Variants in PROX1 observed in about 807,000 individuals in gnomAD.
The protein encoded by PROX1 is prospero homeobox 1, also known as prospero homeobox protein 1.
A neutral mutation model predicts 58.8 loss-of-function variants in PROX1; 7 were observed. That is an observed-to-expected ratio of 0.12 (90% CI 0.07 to 0.22). The LOEUF is 0.22. Among genes scored for constraint, PROX1 ranks in the 10% least tolerant of loss-of-function variants. The pLI is 1.00. For synonymous variants in PROX1, 350 were observed against 358.3 expected (o/e 0.98, Z 0.26); for missense variants, 675 against 927.8 (o/e 0.73, Z 3.54).
intron 2 of PROX1, among the ~76,000 whole-genome samples, chr1:214,003,273 T>G (rs1663588979): frequency 6.6e-6 from 1 of 152,242 alleles, no homozygotes. Flanking sequence ...CATGACGTTG[T>G]CTTAATGTAG....
At chr1:213,990,671 T>C (rs1333218993) in intron 1 of PROX1, among the ~76,000 whole-genome samples, 10 of 90,724 alleles carry the variant, frequency 1.1e-4, no homozygotes, top group Admixed American at 3.3e-4. Context: ...TGTGTGTGTG[T>C]GTGTGTGTGT....
chr1:213,985,541 C>G (rs1662803537), upstream of PROX1: 1 of 152,364 alleles, frequency 6.6e-6, no homozygotes, highest in East Asian at 1.9e-4. Flanking sequence ...ACCGCCGCGG[C>G]AGAGCGTCGC....
At chr1:214,001,455 T>A (rs940359307) in intron 2 of PROX1, among the ~76,000 whole-genome samples, 2 of 152,190 alleles carry the variant, frequency 1.3e-5, no homozygotes, top group Non-Finnish European at 2.9e-5. Flanking sequence ...CCTCTTTGCA[T>A]CTCAAGAAAA....
At chr1:214,023,224 T>C (rs552860686) in intron 4 of PROX1, among the ~76,000 whole-genome samples, 10 of 152,230 alleles carry the variant, frequency 6.6e-5, no homozygotes, top group Non-Finnish European at 1.2e-4. Context: ...CCTCATGCCA[T>C]TGGGTTTTCT....
chr1:213,989,019 T>A (rs1662918144), intron 1 of PROX1, among the ~76,000 whole-genome samples: 1 of 151,194 alleles, frequency 6.6e-6, no homozygotes, highest in Admixed American at 6.6e-5. Flanking sequence ...GCCGGTCCCC[T>A]TGTCCTTTCT....
At chr1:214,020,177 T>A (rs368123028) in intron 4 of PROX1, among the ~76,000 whole-genome samples, 4 of 152,292 alleles carry the variant, frequency 2.6e-5, no homozygotes, top group African/African-American at 9.6e-5. Context: ...CATTATTAGA[T>A]ATTGCTTATT....
intron 4 of PROX1, among the ~76,000 whole-genome samples, chr1:214,016,485 T>G (rs1664100658): frequency 6.6e-6 from 1 of 152,196 alleles, no homozygotes; most frequent in African/African-American, 2.4e-5. Context: ...TGTTGCAGTC[T>G]TTTGGCCTCA....
intron 1 of PROX1, among the ~76,000 whole-genome samples, chr1:213,992,369 C>T (rs1277434505): frequency 1.3e-5 from 2 of 152,094 alleles, no homozygotes; most frequent in African/African-American, 4.8e-5. Context: ...GAAATATCTC[C>T]AATATCTCTG....
intron 2 of PROX1, among the ~76,000 whole-genome samples, chr1:214,000,790 G>GTCTC (rs1663479947): frequency 6.6e-6 from 1 of 152,244 alleles, no homozygotes; most frequent in Middle Eastern, 3.4e-3. Context: ...CTTTTCTCCT[G>GTCTC]TCTCTACCTC....
chr1:214,010,981 AT>A (rs1254798171), intron 3 of PROX1, among the ~76,000 whole-genome samples: 1 of 152,142 alleles, frequency 6.6e-6, no homozygotes, highest in Admixed American at 6.6e-5. Flanking sequence ...GGAATCACTC[AT>A]TGCCAAAAAA....
At chr1:214,028,622 A>G (rs1664538815) in intron 4 of PROX1, among the ~76,000 whole-genome samples, 1 of 152,154 alleles carries the variant, frequency 6.6e-6, no homozygotes, top group East Asian at 1.9e-4. Context: ...TAAAATCTCA[A>G]ACTTGTAAAC....
At chr1:213,987,429 C>T (rs1280832502), upstream of PROX1, 1 of 150,904 alleles carries the variant, frequency 6.6e-6, no homozygotes, top group Non-Finnish European at 1.5e-5. Context: ...ATGCCACCCC[C>T]ACCCCTAAAA....
At chr1:213,990,149 A>G (rs1297419485) in intron 1 of PROX1, among the ~76,000 whole-genome samples, 1 of 138,948 alleles carries the variant, frequency 7.2e-6, no homozygotes, top group Non-Finnish European at 1.6e-5. Flanking sequence ...AAAAAAAAAA[A>G]AGAAAGAAAA....
At chr1:214,028,248 C>A (rs1282422321) in intron 4 of PROX1, among the ~76,000 whole-genome samples, 7 of 152,268 alleles carry the variant, frequency 4.6e-5, no homozygotes, top group Non-Finnish European at 5.9e-5. Context: ...CAAACACAAG[C>A]ATCCTAATAA....
At chr1:214,006,805 C>T (rs2102719950) in intron 3 of PROX1, among the ~76,000 whole-genome samples, 1 of 152,076 alleles carries the variant, frequency 6.6e-6, no homozygotes, top group South Asian at 2.1e-4. Context: ...GTGCAGATGT[C>T]CATGTTACTC....
In PROX1 at chr1:214,038,724, G is replaced by T. The variant is rs1028804447; in HGVS notation, c.*2890G>T. 1.3e-5 allele frequency: 2 copies of T among 152,054 alleles called. No individual in the cohort carries two copies. Among genetic ancestry groups the T allele is most frequent in the African/African-American group, 4.8e-5 (2 of 41,404 alleles). 9.4% of individuals were successfully genotyped at this position (152,054 alleles called of 1,614,324 possible). A position where few individuals can be genotyped will look rare whatever the true frequency, so the allele number is the denominator to read the frequency against. ...TGTTCTTGTGCCTTCTGTGGCTTTCGATTTCATCTTTTTGACTTTATTTCC... is the reference window on the plus strand; with the variant it reads ...TGTTCTTGTGCCTTCTGTGGCTTTCTATTTCATCTTTTTGACTTTATTTCC... On this transcript the variant is annotated 3_prime_UTR_variant, in exon 5 of 5. Transcript: ENST00000366958.
upstream of PROX1, chr1:213,986,236 G>C (rs778377112): frequency 6.6e-6 from 1 of 151,566 alleles, no homozygotes; most frequent in African/African-American, 2.4e-5. Flanking sequence ...TGTTGCTTCC[G>C]TGATAGACGC....
chr1:214,034,064 T>A (rs953058195), intron 4 of PROX1, among the ~76,000 whole-genome samples: 1 of 152,240 alleles, frequency 6.6e-6, no homozygotes, highest in African/African-American at 2.4e-5. Flanking sequence ...GATAAAAATG[T>A]AAGCTTAAGA....
At chr1:214,021,723 G>T (rs1208545753) in intron 4 of PROX1, among the ~76,000 whole-genome samples, 1 of 152,196 alleles carries the variant, frequency 6.6e-6, no homozygotes, top group Non-Finnish European at 1.5e-5. Context: ...TGGAATTCTT[G>T]AGTTGGATCT....
Sources: allele counts gnomAD v4.1 joint callset (sites outside exome capture counted in the v4.1 genomes callset), GRCh38; gene constraint gnomAD v4.1.1; transcripts MANE v1.5; gene names NCBI Gene and HGNC (gene_info 2026-07-23, HGNC 2026-07-21).